The following SV2B variants were observed in gnomAD, a reference collection of about 807,000 sequenced individuals.
The protein encoded by SV2B is solute carrier family 22 member B2.
A neutral mutation model predicts 73.9 loss-of-function variants in SV2B; 41 were observed. The observed-to-expected ratio is 0.56, with a 90% CI of 0.43 to 0.72. SV2B has a LOEUF of 0.72. Ranked by LOEUF, SV2B falls within the 30% of genes least tolerant of loss-of-function variation. The pLI, the probability that SV2B is intolerant of heterozygous loss-of-function variation, is 0.00. For synonymous variants in SV2B, 314 were observed against 314.2 expected, an observed-to-expected ratio of 1.00 and a Z score of 0.01; for missense variants, 764 against 857.8, an observed-to-expected ratio of 0.89 and a Z score of 1.37.
chr15:91,207,058 A>C (rs911301014), intron 1 of SV2B, among the ~76,000 whole-genome samples: 23 of 151,784 alleles, frequency 1.5e-4, no homozygotes, highest in Non-Finnish European at 1.2e-4. Flanking sequence ...TTTTTTTTTG[A>C]GTCACCCAGG....
chr15:91,137,685 C>T lies in SV2B; in HGVS notation c.-392+37322C>T, dbSNP rs79491027. Among the ~76,000 whole-genome samples the T allele has an allele frequency of 0.13, 16,454 of 125,476 alleles. 1,008 individuals are homozygous for T. Among genetic ancestry groups the T allele is most frequent in the Non-Finnish European group, 0.14 (8,286 of 58,746 alleles). 82.3% of individuals were successfully genotyped at this position (125,476 alleles called of 152,430 possible). A position where few individuals can be genotyped will look rare whatever the true frequency, so the allele number is the denominator to read the frequency against. On this transcript the variant is annotated intron_variant, in intron 1 of 12. Coordinates refer to ENST00000394232, the MANE Select transcript of SV2B (RefSeq NM_001323032.3). The surrounding 1 kb of genome is among the most constrained non-coding windows in gnomAD (Gnocchi z 4.9). Reference sequence around the variant, plus strand: ...TATACATATATTTCATATATATATACACACACACACACATTTGCACAGGTT... The same window carrying T: ...TATACATATATTTCATATATATATATACACACACACACATTTGCACAGGTT...
rs1370750992 is a variant in SV2B, at chr15:91,267,280, T to G, written c.1120-275T>G. On this transcript the variant is annotated intron_variant, in intron 7 of 12. Coordinates refer to ENST00000394232, the MANE Select transcript of SV2B (RefSeq NM_001323032.3). The surrounding 1 kb of genome is among the most constrained non-coding windows in gnomAD (Gnocchi z 4.3). ...GTCAAGGTTACTCAGTGCCTTGAAG[T>G]CCTAACTCAGTGTGCTTTCAATCAC... Among the ~76,000 whole-genome samples the G allele has an allele frequency of 6.6e-6, 1 of 152,170 alleles. No individual in the cohort carries two copies. The highest frequency in any genetic ancestry group is 1.5e-5 in the Non-Finnish European group (1 of 68,018).
chr15:91,119,385 C>G (rs1017137074), intron 1 of SV2B, among the ~76,000 whole-genome samples: 1 of 152,154 alleles, frequency 6.6e-6, no homozygotes, highest in African/African-American at 2.4e-5. Context: ...CATTTGGTGA[C>G]CTGCCTGAAT....
At chr15:91,198,238 GC>G (rs2045324108) in intron 1 of SV2B, among the ~76,000 whole-genome samples, 1 of 152,070 alleles carries the variant, frequency 6.6e-6, no homozygotes, top group Non-Finnish European at 1.5e-5. Flanking sequence ...ATAAAGCTGG[GC>G]AGTGAGCTCA....
At position 91,241,713 on chromosome 15, in the gene SV2B, T is replaced by A. The variant is rs1056790633; in HGVS notation, c.452-10106T>A. Among the ~76,000 whole-genome samples, 1 of 152,170 alleles carries A rather than the reference T, an allele frequency of 6.6e-6. No individual in the cohort carries two copies. Among genetic ancestry groups the A allele is most frequent in the African/African-American group, 2.4e-5 (1 of 41,442 alleles). On this transcript the variant is annotated intron_variant, in intron 2 of 12. Transcript: ENST00000394232. The surrounding 1 kb of genome is among the most constrained non-coding windows in gnomAD (Gnocchi z 4.8). ...ACAGTGGAGGAGGTGTGAGGCTCAC[T>A]GGTCTCCCTGTATCCCATCCCCTCT...
rs1205444956 is a variant in SV2B at position 91,258,408 on chromosome 15, T to C, written c.785-13T>C. ...ATGTCCCAGAAATCCTTTGACTGAC[T>C]GCTCCTTTGCAGGCTGGGGCTTCAG... On this transcript the variant is annotated splice_polypyrimidine_tract_variant and intron_variant, in intron 4 of 12. Coordinates refer to ENST00000394232, the MANE Select transcript of SV2B (RefSeq NM_001323032.3). The surrounding 1 kb of genome is among the most constrained non-coding windows in gnomAD (Gnocchi z 4.7). 1 of 1,613,766 alleles carries C rather than the reference T, an allele frequency of 6.2e-7. No individual in the cohort carries two copies. The highest frequency in any genetic ancestry group is 8.5e-7 in the Non-Finnish European group (1 of 1,179,832).
chr15:91,149,028 C>T (rs1239385995), intron 1 of SV2B, among the ~76,000 whole-genome samples: 1 of 152,250 alleles, frequency 6.6e-6, no homozygotes, highest in Non-Finnish European at 1.5e-5. Context: ...TTGACCAGGA[C>T]AGAGGGCATT....
At position 91,284,009 on chromosome 15, in the gene SV2B, T is replaced by C. The variant is rs2048770513; in HGVS notation, c.1508-12T>C. The C allele has an allele frequency of 6.2e-7, 1 of 1,614,082 alleles. No individual in the cohort carries two copies. Among genetic ancestry groups the C allele is most frequent in the Non-Finnish European group, 8.5e-7 (1 of 1,179,968 alleles). ...CCACTTACATGAACCGAAGGTTTCCTTCTCTCCCCAGACCTCTACGAGCAC... is the reference window on the plus strand; with the variant it reads ...CCACTTACATGAACCGAAGGTTTCCCTCTCTCCCCAGACCTCTACGAGCAC... On this transcript the variant is annotated splice_polypyrimidine_tract_variant and intron_variant, in intron 10 of 12. Transcript: ENST00000394232. This position sits in a 1 kb window ranked among gnomAD's most constrained non-coding sequence, Gnocchi z 4.5.
At chr15:91,203,782 A>C (rs1198406380) in intron 1 of SV2B, among the ~76,000 whole-genome samples, 2 of 152,128 alleles carry the variant, frequency 1.3e-5, no homozygotes, top group African/African-American at 4.8e-5. Flanking sequence ...TTAAATCTGT[A>C]AACAAAAGAC....
chr15:91,123,275 C>A lies in SV2B; in HGVS notation c.-392+22912C>A, dbSNP rs1263715838. On this transcript the variant is annotated intron_variant, in intron 1 of 12. Transcript: ENST00000394232. This position sits in a 1 kb window ranked among gnomAD's most constrained non-coding sequence, Gnocchi z 4.7. The stretch of plus-strand genomic sequence containing the variant: ...CTGGTAACAGAGCAAGACCTTGTCT[C>A]AAAAACAAAAAATTGCAAAGGGAGT... Among the ~76,000 whole-genome samples, 30 of 152,002 alleles carry A rather than the reference C, an allele frequency of 2.0e-4. No individual in the cohort carries two copies. The highest frequency in any genetic ancestry group is 1.5e-5 in the Non-Finnish European group (1 of 67,996).
At chr15:91,221,693 G>GCGCGCGCGCGCGCGCACACA (rs370290337) in intron 1 of SV2B, among the ~76,000 whole-genome samples, 2 of 140,068 alleles carry the variant, frequency 1.4e-5, no homozygotes, top group African/African-American at 5.6e-5. Context: ...AAGCATGTGC[G>GCGCGCGCGCGCGCGCACACA]CACACACACA....
Position 91,265,132 on chromosome 15 carries a change from T to G in SV2B, c.1009-1450T>G, listed in dbSNP as rs2048056172. Among the ~76,000 whole-genome samples the G allele has an allele frequency of 1.3e-5, 2 of 152,204 alleles. No individual in the cohort carries two copies. The highest frequency in any genetic ancestry group is 2.9e-5 in the Non-Finnish European group (2 of 68,030). On this transcript the variant is annotated intron_variant, in intron 6 of 12. Transcript: ENST00000394232. The surrounding 1 kb of genome is among the most constrained non-coding windows in gnomAD (Gnocchi z 4.2). Reference sequence around the variant, plus strand: ...TTGAAGGTGTTACCTGTTTTACTCCTGTGCGTGTCCCATCAGCAGACGTGC... The same window carrying G: ...TTGAAGGTGTTACCTGTTTTACTCCGGTGCGTGTCCCATCAGCAGACGTGC...
Position 91,281,212 on chromosome 15 carries a change from A to G in SV2B, c.1374-516A>G, listed in dbSNP as rs1276994220. On this transcript the variant is annotated intron_variant, in intron 9 of 12. Transcript: ENST00000394232. This position sits in a 1 kb window ranked among gnomAD's most constrained non-coding sequence, Gnocchi z 4.7. Reference sequence around the variant, plus strand: ...GAGAACGTGCATTTCAAATTTTGCAAAATTGCTCCCCAAAGAGGCTGCATG... The same window carrying G: ...GAGAACGTGCATTTCAAATTTTGCAGAATTGCTCCCCAAAGAGGCTGCATG... Among the ~76,000 whole-genome samples, 1 of 152,206 alleles carries G rather than the reference A, an allele frequency of 6.6e-6. No individual in the cohort carries two copies. Among genetic ancestry groups the G allele is most frequent in the African/African-American group, 2.4e-5 (1 of 41,448 alleles).
chr15:91,156,817 A>G (rs1487300447), intron 1 of SV2B, among the ~76,000 whole-genome samples: 1 of 152,232 alleles, frequency 6.6e-6, no homozygotes, highest in Non-Finnish European at 1.5e-5. Flanking sequence ...TTTGCAACCC[A>G]TTGTTCTCAG....
In SV2B at chr15:91,181,344, G is replaced by A. The variant is rs553586589; in HGVS notation, c.-391-44529G>A. ...CAGTTAGGCTGCTCGGGGGTCAGGGGTCAGGGACCCACTTGAGGAGGCAGT... is the reference window on the plus strand; with the variant it reads ...CAGTTAGGCTGCTCGGGGGTCAGGGATCAGGGACCCACTTGAGGAGGCAGT... On this transcript the variant is annotated intron_variant, in intron 1 of 12. Transcript: ENST00000394232. 1.4e-3 allele frequency among the ~76,000 whole-genome samples: 215 copies of A among 152,156 alleles called. 1 individual carries two copies. Among genetic ancestry groups the A allele is most frequent in the African/African-American group, 4.5e-3 (188 of 41,530 alleles).
intron 1 of SV2B, among the ~76,000 whole-genome samples, chr15:91,157,754 G>A (rs111757922): frequency 5.7e-4 from 87 of 152,284 alleles, no homozygotes; most frequent in African/African-American, 1.4e-3. Context: ...ATCAAGATCC[G>A]TGCTTTTTTC....
chr15:91,187,657 TTTG>T (rs2044826601), intron 1 of SV2B, among the ~76,000 whole-genome samples: 1 of 130,708 alleles, frequency 7.7e-6, no homozygotes, highest in African/African-American at 2.8e-5. Flanking sequence ...AATTTTATGT[TTTG>T]TTTTTTTTTT....
intron 1 of SV2B, among the ~76,000 whole-genome samples, chr15:91,188,260 G>A (rs2044852007): frequency 6.6e-6 from 1 of 151,546 alleles, no homozygotes; most frequent in Non-Finnish European, 1.5e-5. Context: ...AGAGAACTTG[G>A]AAGACAAAAG....
In SV2B at chr15:91,289,205, A is replaced by C. The variant is rs917074463; in HGVS notation, c.1709-316A>C. On this transcript the variant is annotated intron_variant, in intron 11 of 12. Transcript: ENST00000394232. The surrounding 1 kb of genome is among the most constrained non-coding windows in gnomAD (Gnocchi z 4.9). The stretch of plus-strand genomic sequence containing the variant: ...AAGCACCTAGAACAATGTCTGGTAC[A>C]TAATAGATTCTCAACAAATGCCCCT... Among the ~76,000 whole-genome samples the C allele has an allele frequency of 2.6e-5, 4 of 152,202 alleles. No individual in the cohort carries two copies. The highest frequency in any genetic ancestry group is 6.5e-5 in the Admixed American group (1 of 15,286).
Sources: gnomAD v4.1 joint callset for allele counts (sites outside exome capture counted in the v4.1 genomes callset) on GRCh38, gnomAD v4.1.1 for gene constraint, Gnocchi (gnomAD v3.1) non-coding constraint, MANE v1.5 for transcripts, NCBI Gene and HGNC (gene_info 2026-07-23, HGNC 2026-07-21) for gene names.